The following BARD1 variants were observed in gnomAD, a reference collection of about 807,000 sequenced individuals.
The protein encoded by BARD1 is BRCA1 associated RING domain 1.
Under a neutral mutation model 77.0 loss-of-function variants are expected in BARD1, and 73 were observed. That is an observed-to-expected ratio of 0.95 (90% confidence interval 0.79 to 1.15). The LOEUF (loss-of-function observed/expected upper bound fraction) is 1.15, where lower values mean the gene tolerates loss of function less well. BARD1 is among the 50% of genes most tolerant of loss of function. BARD1 has a pLI of 0.00. For missense variants in BARD1, 993 were observed against 938.8 expected (o/e 1.06, Z -0.75); for synonymous variants, 384 against 338.0 (o/e 1.14, Z -1.49).
intron 1 of BARD1, among the ~76,000 whole-genome samples, chr2:214,800,206 T>C (rs1695953586): frequency 2.0e-5 from 3 of 152,250 alleles, no homozygotes; most frequent in Non-Finnish European, 4.4e-5. Flanking sequence ...AGTAATGATT[T>C]AACATGTGGG....
At chr2:214,740,762 C>T (rs1692786344) in intron 9 of BARD1, among the ~76,000 whole-genome samples, 2 of 151,950 alleles carry the variant, frequency 1.3e-5, no homozygotes, top group African/African-American at 4.8e-5. Flanking sequence ...TTTCTTTCAT[C>T]TGTATTTCTT....
At chr2:214,759,956 G>A (rs970533848) in intron 6 of BARD1, among the ~76,000 whole-genome samples, 1 of 152,120 alleles carries the variant, frequency 6.6e-6, no homozygotes, top group Non-Finnish European at 1.5e-5. Context: ...TCAATAGGAC[G>A]CTTTTAAATT....
At chr2:214,743,293 TA>T (rs1692932932) in intron 9 of BARD1, among the ~76,000 whole-genome samples, 1 of 152,220 alleles carries the variant, frequency 6.6e-6, no homozygotes, top group Admixed American at 6.5e-5. Flanking sequence ...AAGATCTTGA[TA>T]AATCAGGCAT....
At chr2:214,772,615 C>G (rs1237539630) in intron 4 of BARD1, among the ~76,000 whole-genome samples, 1 of 152,130 alleles carries the variant, frequency 6.6e-6, no homozygotes, top group Non-Finnish European at 1.5e-5. Context: ...CATGTCACCT[C>G]TTCATATTAT....
chr2:214,744,264 G>A (rs1436780936), intron 9 of BARD1, among the ~76,000 whole-genome samples: 1 of 152,156 alleles, frequency 6.6e-6, no homozygotes, highest in Non-Finnish European at 1.5e-5. Context: ...AGTGGAGGTT[G>A]AGATAGCTGG....
In BARD1 at chr2:214,800,734, T is replaced by A. The variant is rs564922596; in HGVS notation, c.159-3617A>T. On this transcript the variant is annotated intron_variant, in intron 1 of 10. Coordinates refer to ENST00000260947, the MANE Select transcript of BARD1 (RefSeq NM_000465.4). ...ACAAGATTCTAAAACCTTCCAGAGA[T>A]TTAAGAAATAATAAAATTAAATGTC... Among the ~76,000 whole-genome samples the A allele has an allele frequency of 1.4e-3, 211 of 151,994 alleles. 2 individuals carry two copies. Among genetic ancestry groups the A allele is most frequent in the South Asian group, 8.9e-3 (43 of 4,822 alleles).
At position 214,727,719 on chromosome 2, in the gene BARD1, C is replaced by T. The variant is rs1427841861; in HGVS notation, c.*957G>A. 1 of 228,860 alleles carries T rather than the reference C, an allele frequency of 4.4e-6. No individual in the cohort carries two copies. The highest frequency in any genetic ancestry group is 6.2e-5 in the East Asian group (1 of 16,002). The allele number at this position is 228,860 out of a possible 1,614,324, so 14.2% of individuals were successfully genotyped here. On this transcript the variant is annotated 3_prime_UTR_variant, in exon 11 of 11. Coordinates refer to ENST00000260947, the MANE Select transcript of BARD1 (RefSeq NM_000465.4). ...TTGTAAATCAAGTAATCACCAACTT[C>T]TGCCTCCATGCCAACCTAAAAACTT...
At chr2:214,795,173 G>A (rs763708352) in intron 2 of BARD1, among the ~76,000 whole-genome samples, 2 of 152,112 alleles carry the variant, frequency 1.3e-5, no homozygotes, top group Non-Finnish European at 2.9e-5. Context: ...GCATCATTTC[G>A]TAAGCAGATC....
At chr2:214,736,534 T>C (rs969157893) in intron 9 of BARD1, among the ~76,000 whole-genome samples, 5 of 152,252 alleles carry the variant, frequency 3.3e-5, no homozygotes, top group South Asian at 2.1e-4. Flanking sequence ...TAATGTCTAA[T>C]TGCAGAATTA....
At chr2:214,779,058 T>C (rs545686187) in intron 4 of BARD1, among the ~76,000 whole-genome samples, 5 of 152,232 alleles carry the variant, frequency 3.3e-5, no homozygotes, top group African/African-American at 1.2e-4. Context: ...TGACAAAAAA[T>C]GTCTAATTTT....
In BARD1 at chr2:214,770,644, T is replaced by A. The variant is rs969591744; in HGVS notation, c.1315-1332A>T. ...TGAAGACCCCTTCCAGTTTTGAACT[T>A]TCTGTGTCTTGTGTGTCATGATCCA... On this transcript the variant is annotated intron_variant, in intron 4 of 10. Transcript: ENST00000260947. Among the ~76,000 whole-genome samples the A allele has an allele frequency of 2.0e-5, 3 of 152,324 alleles. No homozygotes were observed. In the South Asian group the frequency reaches 6.2e-4, roughly 32 times the overall value.
chr2:214,782,909 T>C (rs968311103), intron 3 of BARD1, among the ~76,000 whole-genome samples: 1 of 152,210 alleles, frequency 6.6e-6, no homozygotes, highest in African/African-American at 2.4e-5. Flanking sequence ...ATATTGGCTC[T>C]GACAAGTGTT....
rs778684915 is a variant in BARD1, at chr2:214,769,247, A to T, written c.1380T>A (p.Ala460=). The T allele has an allele frequency of 4.3e-6, 7 of 1,612,714 alleles. No individual in the cohort carries two copies. Among genetic ancestry groups the T allele is most frequent in the Admixed American group, 1.7e-5 (1 of 59,996 alleles). ...AGACAACTACCAATGGTGTCCATCC[A>T]GCATGGTCTTTAACATTTGGATCAC... ...NGSDPNVKDH[A]GWTPLHEACN... Residue 460 remains alanine, a synonymous_variant, in exon 5 of 11, where the codon GCT becomes GCA. Coordinates refer to ENST00000260947, the MANE Select transcript of BARD1 (RefSeq NM_000465.4).
chr2:214,804,710 A>C (rs1696187044), intron 1 of BARD1, among the ~76,000 whole-genome samples: 2 of 152,204 alleles, frequency 1.3e-5, no homozygotes, highest in Non-Finnish European at 2.9e-5. Context: ...AAACCAACTG[A>C]GTATTCTGTT....
intron 1 of BARD1, among the ~76,000 whole-genome samples, chr2:214,802,162 T>C (rs1439175823): frequency 6.6e-6 from 1 of 152,330 alleles, no homozygotes; most frequent in South Asian, 2.1e-4. Context: ...ACACATTCAA[T>C]AGAAATCACA....
intron 9 of BARD1, among the ~76,000 whole-genome samples, chr2:214,743,539 C>G (rs571637196): frequency 3.3e-5 from 5 of 152,152 alleles, no homozygotes; most frequent in African/African-American, 1.2e-4. Context: ...ATAATACCAA[C>G]AAATTGAGTT....
chr2:214,767,610 C>A lies in BARD1; in HGVS notation c.1440G>T (p.Leu480Phe). Reference sequence around the variant, plus strand: ...TGTTCACCAATGCCTTATGCTGGAGCAATAATTCCACTACCTTCAGGTGCC... The same window carrying A: ...TGTTCACCAATGCCTTATGCTGGAGAAATAATTCCACTACCTTCAGGTGCC... Reference protein sequence around the residue: ...NHGHLKVVELLLQHKALVNTT... With the variant: ...NHGHLKVVELFLQHKALVNTT... The change falls in exon 6 of 11, where the codon TTG becomes TTT. Residue 480 changes from leucine to phenylalanine, a missense_variant. Transcript: ENST00000260947. 6.2e-7 allele frequency: 1 copy of A among 1,614,056 alleles called. No homozygotes were observed. The highest frequency in any genetic ancestry group is 8.5e-7 in the Non-Finnish European group (1 of 1,179,972).
intron 6 of BARD1, among the ~76,000 whole-genome samples, chr2:214,765,714 C>T (rs1694164754): frequency 6.6e-6 from 1 of 151,924 alleles, no homozygotes; most frequent in African/African-American, 2.4e-5. Context: ...AGAAATAGGT[C>T]CATGTATATG....
At chr2:214,773,850 A>G (rs570099061) in intron 4 of BARD1, among the ~76,000 whole-genome samples, 89 of 152,332 alleles carry the variant, frequency 5.8e-4, no homozygotes, top group Non-Finnish European at 1.1e-3. Context: ...TATCTGTAGC[A>G]TGTGACGCTG....
Sources: allele counts gnomAD v4.1 joint callset (sites outside exome capture counted in the v4.1 genomes callset), GRCh38; gene constraint gnomAD v4.1.1; transcripts MANE v1.5; gene names NCBI Gene and HGNC (gene_info 2026-07-23, HGNC 2026-07-21).